The following CHM variants were observed in gnomAD, a reference collection of about 807,000 sequenced individuals.
CHM encodes CHM Rab escort protein, also known as rab proteins geranylgeranyltransferase component A 1.
Under a neutral mutation model 49.0 loss-of-function variants are expected in CHM, and 10 were observed. The observed-to-expected ratio is 0.20, with a 90% CI of 0.13 to 0.35. The LOEUF (loss-of-function observed/expected upper bound fraction) is 0.35, where lower values mean the gene tolerates loss of function less well. Among genes scored for constraint, CHM ranks in the 10% least tolerant of loss-of-function variants. The pLI is 1.00. For synonymous variants in CHM, 184 were observed against 167.5 expected, an observed-to-expected ratio of 1.10 and a Z score of -0.76; for missense variants, 455 against 478.4, an observed-to-expected ratio of 0.95 and a Z score of 0.46.
At chrX:85,961,559 A>G (rs1354249923) in intron 5 of CHM, among the ~76,000 whole-genome samples, 1 of 109,713 alleles carries the variant, frequency 9.1e-6, no homozygotes, top group Non-Finnish European at 1.9e-5. Flanking sequence ...AATTGCCCCA[A>G]TAACATGGAA....
rs1283452173 is a variant in CHM at position 85,900,718 on chromosome X, C to T, written c.1350-9G>A. The T allele has an allele frequency of 1.7e-6, 2 of 1,157,027 alleles. No homozygotes were observed. Among genetic ancestry groups the T allele is most frequent in the Admixed American group, 2.2e-5 (1 of 45,574 alleles). On this transcript the variant is annotated splice_polypyrimidine_tract_variant and intron_variant, in intron 10 of 14. Coordinates refer to ENST00000357749, the MANE Select transcript of CHM (RefSeq NM_000390.4). ...CTGCCCTGGAGATCTGCCTGTAATGCACAAAACAGTGAAGCAGTAATTCTG... is the reference window on the plus strand; with the variant it reads ...CTGCCCTGGAGATCTGCCTGTAATGTACAAAACAGTGAAGCAGTAATTCTG...
At chrX:86,037,597 C>T (rs1934301451) in intron 1 of CHM, among the ~76,000 whole-genome samples, 1 of 109,739 alleles carries the variant, frequency 9.1e-6, no homozygotes, top group African/African-American at 3.3e-5. Context: ...GCCACATGAC[C>T]TTTACTGCAT....
chrX:86,030,748 C>T (rs186565551), intron 1 of CHM, among the ~76,000 whole-genome samples: 103 of 110,584 alleles, frequency 9.3e-4, no homozygotes, highest in African/African-American at 2.9e-3. Context: ...GGGTCTCTAA[C>T]AACCCTAACT....
At chrX:85,934,919 T>C (rs1240562187) in intron 8 of CHM, among the ~76,000 whole-genome samples, 1 of 112,049 alleles carries the variant, frequency 8.9e-6, no homozygotes, top group Non-Finnish European at 1.9e-5. Context: ...TTAAAATTGT[T>C]ATGAATGTTT....
At chrX:85,992,542 G>T (rs1417073920) in intron 2 of CHM, among the ~76,000 whole-genome samples, 2 of 110,592 alleles carry the variant, frequency 1.8e-5, no homozygotes, top group Admixed American at 9.7e-5. Context: ...AAATATACTG[G>T]ACTTACTCCC....
chrX:86,017,430 T>G (rs2147776544), intron 2 of CHM, among the ~76,000 whole-genome samples: 1 of 111,717 alleles, frequency 9.0e-6, no homozygotes, highest in Non-Finnish European at 1.9e-5. Context: ...GGAAATAATT[T>G]GAATTATGGG....
chrX:85,958,746 G>A, intron 6 of CHM, 115 bp downstream of exon 6: 1 of 1,100,492 alleles, frequency 9.1e-7, no homozygotes, highest in Non-Finnish European at 1.2e-6. Flanking sequence ...TCACCACGGA[G>A]GACTGGAATT....
intron 4 of CHM, among the ~76,000 whole-genome samples, chrX:85,972,292 T>G (rs1415414318): frequency 8.8e-6 from 1 of 113,391 alleles, no homozygotes; most frequent in East Asian, 2.8e-4. Context: ...CCCAGCTGGC[T>G]TCACCCAGTG....
intron 8 of CHM, among the ~76,000 whole-genome samples, chrX:85,921,856 A>C (rs1927804162): frequency 8.9e-6 from 1 of 112,562 alleles, no homozygotes; most frequent in Non-Finnish European, 1.9e-5. Context: ...TGTTGACCTG[A>C]TTGGTGGCTG....
chrX:85,877,032 A>C (rs1327222966), intron 13 of CHM, among the ~76,000 whole-genome samples: 1 of 111,154 alleles, frequency 9.0e-6, no homozygotes, highest in Non-Finnish European at 1.9e-5. Context: ...TTCTACACAA[A>C]GTATAGTTGT....
At chrX:85,957,104 A>G (rs1234068490) in intron 7 of CHM, among the ~76,000 whole-genome samples, 1 of 112,476 alleles carries the variant, frequency 8.9e-6, no homozygotes, top group African/African-American at 3.2e-5. Flanking sequence ...GTAGACTTGA[A>G]GCTTTAAGAG....
At chrX:85,888,111 A>G (rs762910466) in intron 12 of CHM, among the ~76,000 whole-genome samples, 1 of 111,469 alleles carries the variant, frequency 9.0e-6, no homozygotes, top group African/African-American at 3.3e-5. Context: ...GGCCATGTCA[A>G]GAGACCTTTG....
chrX:86,023,098 C>A (rs1166994561), intron 2 of CHM, among the ~76,000 whole-genome samples: 5 of 111,483 alleles, frequency 4.5e-5, no homozygotes, highest in Non-Finnish European at 7.5e-5. Flanking sequence ...AAACAGCCAC[C>A]TAGCAAGTCT....
chrX:85,974,128 TA>T (rs1931115414), intron 4 of CHM, among the ~76,000 whole-genome samples: 1 of 111,925 alleles, frequency 8.9e-6, no homozygotes, highest in Non-Finnish European at 1.9e-5. Context: ...AAACCAAAAT[TA>T]AAAAGACAAT....
At chrX:85,967,244 A>T (rs73240386) in intron 4 of CHM, among the ~76,000 whole-genome samples, 314 of 112,276 alleles carry the variant, frequency 2.8e-3, no homozygotes, top group Non-Finnish European at 5.4e-3. Flanking sequence ...CTTTCCCCAA[A>T]TTTAAAACTT....
intron 8 of CHM, among the ~76,000 whole-genome samples, chrX:85,941,600 C>T (rs906628081): frequency 2.7e-5 from 3 of 111,440 alleles, no homozygotes; most frequent in African/African-American, 9.8e-5. Context: ...GACTATTCAA[C>T]TGAAGTTGGA....
At chrX:85,866,313 C>T (rs1923690959) in intron 14 of CHM, among the ~76,000 whole-genome samples, 1 of 112,491 alleles carries the variant, frequency 8.9e-6, no homozygotes, top group African/African-American at 3.2e-5. Flanking sequence ...GTGCAAGCCC[C>T]GAGCGTTGCC....
intron 11 of CHM, among the ~76,000 whole-genome samples, chrX:85,897,138 T>C (rs865965665): frequency 2.6e-5 from 2 of 77,736 alleles, no homozygotes; most frequent in African/African-American, 1.1e-4. Context: ...TATAAATAAG[T>C]ATATATAATA....
At chrX:85,915,795 A>G (rs1927419154) in intron 8 of CHM, among the ~76,000 whole-genome samples, 1 of 112,357 alleles carries the variant, frequency 8.9e-6, no homozygotes, top group Admixed American at 9.4e-5. Context: ...AAGAAATCAG[A>G]GATGACACAA....
Sources: gnomAD v4.1 joint callset for allele counts (sites outside exome capture counted in the v4.1 genomes callset) on GRCh38, gnomAD v4.1.1 for gene constraint, MANE v1.5 for transcripts, NCBI Gene and HGNC (gene_info 2026-07-23, HGNC 2026-07-21) for gene names.